FIG4: variants seen among roughly 807,000 people sequenced by gnomAD.
The protein encoded by FIG4 is FIG4 phosphoinositide 5-phosphatase.
A neutral mutation model predicts 118.6 loss-of-function variants in FIG4; 112 were observed. That is an observed-to-expected ratio of 0.94 (90% CI 0.81 to 1.11). The LOEUF (loss-of-function observed/expected upper bound fraction) is 1.11, where lower values mean the gene tolerates loss of function less well. Ranked by LOEUF, FIG4 falls within the 50% of genes least tolerant of loss-of-function variation. The pLI is 0.00. For missense variants in FIG4, 969 were observed against 1,111.7 expected, an observed-to-expected ratio of 0.87 and a Z score of 1.83; for synonymous variants, 369 against 381.2, an observed-to-expected ratio of 0.97 and a Z score of 0.37.
intron 22 of FIG4, among the ~76,000 whole-genome samples, chr6:109,822,751 GA>G (rs945229549): frequency 6.9e-6 from 1 of 145,312 alleles, no homozygotes; most frequent in Non-Finnish European, 1.5e-5. Context: ...ACTTGGTGGG[GA>G]TGGTTGAAGT....
chr6:109,693,732 A>AG (rs1032684425), intron 1 of FIG4, among the ~76,000 whole-genome samples: 10 of 152,048 alleles, frequency 6.6e-5, no homozygotes, highest in South Asian at 4.2e-4. Context: ...ATTCATGGCC[A>AG]GGGGGGGTCT....
intron 22 of FIG4, among the ~76,000 whole-genome samples, chr6:109,821,999 C>G (rs183609593): frequency 2.6e-5 from 4 of 152,184 alleles, no homozygotes; most frequent in Non-Finnish European, 5.9e-5. Flanking sequence ...ATGATCGCTC[C>G]ATTGTATTCC....
Position 109,825,311 on chromosome 6 carries a change from C to G in FIG4, c.*46C>G. 1 of 1,552,322 alleles carries G rather than the reference C, an allele frequency of 6.4e-7. No homozygotes were observed. The highest frequency in any genetic ancestry group is 8.9e-7 in the Non-Finnish European group (1 of 1,124,546). ...GTGGACACGTCTGATTAGCTTAGAA[C>G]CTGTCTTGTCTCATCTTCAAAAGGT... On this transcript the variant is annotated 3_prime_UTR_variant, in exon 23 of 23. Transcript: ENST00000230124.
At position 109,735,162 on chromosome 6, in the gene FIG4, TTTG is replaced by T. The variant is rs763532476; in HGVS notation, c.512_514del (p.Leu171del). ...ATTCTGTTCTCAGTTACAGCTATGATTTGTCCCACTCACTTCAATATAATCTCA... is the reference window on the plus strand; with the variant it reads ...ATTCTGTTCTCAGTTACAGCTATGATTCCCACTCACTTCAATATAATCTCA... On this transcript the variant is annotated inframe_deletion, in exon 6 of 23. Coordinates refer to ENST00000230124, the MANE Select transcript of FIG4 (RefSeq NM_014845.6). 2 of 1,612,800 alleles carry T rather than the reference TTTG, an allele frequency of 1.2e-6. No individual in the cohort carries two copies. The highest frequency in any genetic ancestry group is 1.7e-6 in the Non-Finnish European group (2 of 1,179,058).
intron 5 of FIG4, among the ~76,000 whole-genome samples, chr6:109,733,781 A>T (rs1221442691): frequency 6.6e-6 from 1 of 151,862 alleles, no homozygotes; most frequent in Non-Finnish European, 1.5e-5. Flanking sequence ...CTAACTTTTT[A>T]GTGTTTGTGA....
intron 7 of FIG4, among the ~76,000 whole-genome samples, chr6:109,739,797 G>A (rs554039231): frequency 6.6e-6 from 1 of 152,262 alleles, no homozygotes; most frequent in Non-Finnish European, 1.5e-5. Flanking sequence ...AGACTATTAA[G>A]TGGGTGAATG....
intron 18 of FIG4, among the ~76,000 whole-genome samples, chr6:109,788,813 A>G (rs1034106925): frequency 3.3e-5 from 5 of 152,232 alleles, no homozygotes; most frequent in African/African-American, 1.2e-4. Flanking sequence ...CGCTTGGAGC[A>G]GTGTCCTTGC....
At chr6:109,712,226 T>C (rs1275069499) in intron 1 of FIG4, among the ~76,000 whole-genome samples, 1 of 152,220 alleles carries the variant, frequency 6.6e-6, no homozygotes, top group Non-Finnish European at 1.5e-5. Context: ...ATGATGATAA[T>C]GTGCCTTGGG....
At chr6:109,793,074 G>A (rs534121627) in intron 21 of FIG4, among the ~76,000 whole-genome samples, 3 of 152,070 alleles carry the variant, frequency 2.0e-5, no homozygotes, top group Non-Finnish European at 2.9e-5. Flanking sequence ...GCATTGAGGC[G>A]GTCAAATTCT....
At chr6:109,819,631 G>A (rs1778951844) in intron 22 of FIG4, among the ~76,000 whole-genome samples, 1 of 151,982 alleles carries the variant, frequency 6.6e-6, no homozygotes, top group South Asian at 2.1e-4. Context: ...ACCACGAGCT[G>A]CTATTTTGTG....
intron 22 of FIG4, among the ~76,000 whole-genome samples, chr6:109,804,488 A>G (rs1460425054): frequency 6.6e-6 from 1 of 152,322 alleles, no homozygotes; most frequent in East Asian, 1.9e-4. Context: ...GAAATACAAG[A>G]AAACACATTT....
At chr6:109,772,025 G>A (rs1777481661) in intron 15 of FIG4, among the ~76,000 whole-genome samples, 1 of 152,080 alleles carries the variant, frequency 6.6e-6, no homozygotes, top group African/African-American at 2.4e-5. Context: ...TGTCTCCACT[G>A]TGTTCTCTCT....
At chr6:109,767,150 C>A (rs1392954674) in intron 15 of FIG4, among the ~76,000 whole-genome samples, 2 of 152,090 alleles carry the variant, frequency 1.3e-5, no homozygotes, top group African/African-American at 4.8e-5. Context: ...CACTTTAATT[C>A]CTTGGCTTCT....
chr6:109,812,618 T>C (rs934236909), intron 22 of FIG4, among the ~76,000 whole-genome samples: 5 of 152,176 alleles, frequency 3.3e-5, no homozygotes, highest in Non-Finnish European at 7.3e-5. Context: ...AAAATGATTA[T>C]TGGTTTAGGC....
chr6:109,745,316 T>A (rs1476421460), intron 10 of FIG4, among the ~76,000 whole-genome samples: 1 of 152,224 alleles, frequency 6.6e-6, no homozygotes, highest in African/African-American at 2.4e-5. Flanking sequence ...GTTTCCTGAC[T>A]TTTAAATGAT....
At chr6:109,745,986 A>G (rs1469638213) in intron 10 of FIG4, among the ~76,000 whole-genome samples, 1 of 152,156 alleles carries the variant, frequency 6.6e-6, no homozygotes, top group Non-Finnish European at 1.5e-5. Flanking sequence ...GCATCACGCT[A>G]CCTGACTTCA....
intron 3 of FIG4, among the ~76,000 whole-genome samples, chr6:109,724,903 G>C (rs746152901): frequency 6.6e-6 from 1 of 151,520 alleles, no homozygotes; most frequent in Non-Finnish European, 1.5e-5. Context: ...TAAGTGCACA[G>C]TACAGCAGTG....
chr6:109,739,375 A>T (rs943638703), intron 7 of FIG4, among the ~76,000 whole-genome samples: 5 of 152,114 alleles, frequency 3.3e-5, no homozygotes, highest in Non-Finnish European at 7.4e-5. Context: ...GATTTTTTCT[A>T]TCACCTTTTG....
chr6:109,692,784 T>C (rs531075696), intron 1 of FIG4, among the ~76,000 whole-genome samples: 1 of 151,920 alleles, frequency 6.6e-6, no homozygotes, highest in East Asian at 1.9e-4. Context: ...CACTGCAACC[T>C]CTGCTTCCCA....
Sources: gnomAD v4.1 joint callset for allele counts (sites outside exome capture counted in the v4.1 genomes callset) on GRCh38, gnomAD v4.1.1 for gene constraint, MANE v1.5 for transcripts, NCBI Gene and HGNC (gene_info 2026-07-23, HGNC 2026-07-21) for gene names.